SUPT3H: variants seen among roughly 807,000 people sequenced by gnomAD.
The protein encoded by SUPT3H is transcription initiation protein SPT3 homolog.
A neutral mutation model predicts 44.3 loss-of-function variants in SUPT3H; 44 were observed. The observed-to-expected ratio is 0.99, with a 90% CI of 0.78 to 1.28. The LOEUF (loss-of-function observed/expected upper bound fraction) is 1.28. SUPT3H is among the 50% of genes most tolerant of loss of function. The probability of loss-of-function intolerance (pLI) is 0.00; values close to 1 mark genes in which losing one functional copy is unlikely to be tolerated. For missense variants in SUPT3H, 380 were observed against 387.1 expected (o/e 0.98, Z 0.15); for synonymous variants, 124 against 125.6 (o/e 0.99, Z 0.09).
chr6:45,014,306 C>G (rs1203648761), intron 5 of SUPT3H, among the ~76,000 whole-genome samples: 1 of 152,078 alleles, frequency 6.6e-6, no homozygotes, highest in Admixed American at 6.6e-5. Flanking sequence ...TCCCAAACTT[C>G]ATGGTGTCTG....
chr6:45,323,776 C>T (rs762317527), intron 2 of SUPT3H, among the ~76,000 whole-genome samples: 13 of 151,970 alleles, frequency 8.6e-5, no homozygotes, highest in Admixed American at 2.0e-4. Context: ...ACAAAAGATT[C>T]TCATTATAGG....
At chr6:45,281,342 T>G (rs558243360) in intron 2 of SUPT3H, among the ~76,000 whole-genome samples, 3 of 152,322 alleles carry the variant, frequency 2.0e-5, no homozygotes, top group South Asian at 2.1e-4. Context: ...CATTTCCTAG[T>G]CAAAGAAAGG....
intron 2 of SUPT3H, among the ~76,000 whole-genome samples, chr6:45,319,218 G>A (rs1054328119): frequency 3.9e-5 from 6 of 152,022 alleles, no homozygotes; most frequent in Non-Finnish European, 5.9e-5. Flanking sequence ...AATTAAATAG[G>A]TGTCTTATAA....
chr6:45,223,087 C>G (rs1307423450), intron 2 of SUPT3H, among the ~76,000 whole-genome samples: 3 of 151,870 alleles, frequency 2.0e-5, no homozygotes, highest in Non-Finnish European at 4.4e-5. Flanking sequence ...AAAGGGGAAG[C>G]AACACAAGGA....
At chr6:45,053,509 A>C (rs2153537580) in intron 3 of SUPT3H, among the ~76,000 whole-genome samples, 1 of 152,046 alleles carries the variant, frequency 6.6e-6, no homozygotes, top group Non-Finnish European at 1.5e-5. Flanking sequence ...CTCCAAAATA[A>C]GGCATCTTGA....
At chr6:44,906,908 T>C (rs1038683205) in intron 10 of SUPT3H, among the ~76,000 whole-genome samples, 3 of 152,250 alleles carry the variant, frequency 2.0e-5, no homozygotes, top group Non-Finnish European at 4.4e-5. Context: ...ACTTTGGAGG[T>C]TGACCCATGA....
intron 2 of SUPT3H, chr6:45,328,186 G>T: frequency 1.0e-6 from 1 of 968,590 alleles, no homozygotes; most frequent in Non-Finnish European, 1.4e-6. Context: ...AGAGCAAGGG[G>T]GAAAAGCCAC....
At chr6:45,155,231 C>T (rs539898129) in intron 2 of SUPT3H, among the ~76,000 whole-genome samples, 21 of 152,162 alleles carry the variant, frequency 1.4e-4, no homozygotes, top group East Asian at 1.2e-3. Context: ...TGAATTGTAA[C>T]GAAGTTCAAA....
intron 2 of SUPT3H, among the ~76,000 whole-genome samples, chr6:45,342,635 T>C (rs997164282): frequency 2.0e-5 from 3 of 152,162 alleles, no homozygotes; most frequent in East Asian, 3.9e-4. Context: ...AATATAAGGT[T>C]TACACAGTAG....
chr6:45,102,250 T>C (rs1798681393), intron 3 of SUPT3H, among the ~76,000 whole-genome samples: 1 of 152,138 alleles, frequency 6.6e-6, no homozygotes, highest in Non-Finnish European at 1.5e-5. Flanking sequence ...CTACTATTTT[T>C]CCCTTTCTTC....
chr6:45,311,610 G>T (rs1210125119), intron 2 of SUPT3H, among the ~76,000 whole-genome samples: 2 of 152,204 alleles, frequency 1.3e-5, no homozygotes, highest in Non-Finnish European at 2.9e-5. Context: ...ATTAACAGCA[G>T]ATTTCTGAGC....
chr6:44,940,341 T>C (rs1772196987), intron 9 of SUPT3H, among the ~76,000 whole-genome samples: 1 of 152,086 alleles, frequency 6.6e-6, no homozygotes, highest in Non-Finnish European at 1.5e-5. Flanking sequence ...TTTCCATGTA[T>C]TTTTATGCTT....
At chr6:45,047,716 T>C (rs1225301229) in intron 3 of SUPT3H, among the ~76,000 whole-genome samples, 1 of 152,158 alleles carries the variant, frequency 6.6e-6, no homozygotes, top group African/African-American at 2.4e-5. Flanking sequence ...ACCACTAGTG[T>C]GCAAAGGTTC....
chr6:45,169,805 T>C (rs1258822962), intron 2 of SUPT3H, among the ~76,000 whole-genome samples: 1 of 152,248 alleles, frequency 6.6e-6, no homozygotes, highest in Non-Finnish European at 1.5e-5. Flanking sequence ...AGATTCATCC[T>C]ATGATTTCAA....
At chr6:44,811,592 C>T (rs1206724100) in intron 11 of SUPT3H, among the ~76,000 whole-genome samples, 1 of 152,212 alleles carries the variant, frequency 6.6e-6, no homozygotes, top group East Asian at 1.9e-4. Flanking sequence ...AGCTATTGAT[C>T]TTTGAAGGTC....
chr6:44,882,634 C>A (rs1047909517), intron 10 of SUPT3H, among the ~76,000 whole-genome samples: 9 of 152,266 alleles, frequency 5.9e-5, no homozygotes, highest in Non-Finnish European at 1.3e-4. Context: ...CAAAAATCCT[C>A]AATAAAATAC....
intron 2 of SUPT3H, among the ~76,000 whole-genome samples, chr6:45,107,216 C>T (rs888843828): frequency 3.9e-5 from 6 of 151,976 alleles, no homozygotes; most frequent in African/African-American, 1.5e-4. Context: ...GAAGACAAAA[C>T]CAAAGTCAGA....
At chr6:45,304,170 C>T (rs1782628155) in intron 2 of SUPT3H, among the ~76,000 whole-genome samples, 1 of 152,032 alleles carries the variant, frequency 6.6e-6, no homozygotes, top group Admixed American at 6.6e-5. Context: ...AAATAATATA[C>T]TTTTTATCTA....
intron 5 of SUPT3H, among the ~76,000 whole-genome samples, chr6:45,008,988 G>A (rs1831310): frequency 0.34 from 51,509 of 151,936 alleles, 9,592 homozygotes; most frequent in Non-Finnish European, 0.41. Context: ...TGATCCACCC[G>A]CTTCAGCCTC....
Sources: gnomAD v4.1 joint callset for allele counts (sites outside exome capture counted in the v4.1 genomes callset) on GRCh38, gnomAD v4.1.1 for gene constraint, MANE v1.5 for transcripts, NCBI Gene and HGNC (gene_info 2026-07-23, HGNC 2026-07-21) for gene names.